Variants in TGM3 observed in about 807,000 individuals in gnomAD.
TGM3 encodes the protein transglutaminase 3.
TGM3 carries 52 observed loss-of-function variants against 73.8 expected under a neutral mutation model. The ratio of observed to expected loss-of-function variants is 0.70; its 90% CI spans 0.56 to 0.89. The LOEUF (loss-of-function observed/expected upper bound fraction) is 0.89, where lower values mean the gene tolerates loss of function less well. Among genes scored for constraint, TGM3 ranks in the 40% least tolerant of loss-of-function variants. The probability of loss-of-function intolerance (pLI) is 0.00; values close to 1 mark genes in which losing one functional copy is unlikely to be tolerated. For missense variants in TGM3, 928 were observed against 909.9 expected (o/e 1.02, Z -0.26); for synonymous variants, 372 against 354.9 (o/e 1.05, Z -0.54).
intron 8 of TGM3, among the ~76,000 whole-genome samples, chr20:2,326,553 A>G (rs186294000): frequency 3.9e-5 from 6 of 152,302 alleles, no homozygotes; most frequent in Admixed American, 3.9e-4. Flanking sequence ...GAAACATTAA[A>G]AAGTGATTTA....
chr20:2,305,628 C>T (rs776267149), intron 1 of TGM3, among the ~76,000 whole-genome samples: 7 of 152,204 alleles, frequency 4.6e-5, no homozygotes, highest in African/African-American at 7.2e-5. Flanking sequence ...TCCTCCAGCT[C>T]GGAGCAGTCT....
At chr20:2,340,040 G>GGTGGGGGGGGGGGGGGGGGGGGGGGGGGC in intron 12 of TGM3, 53 bp downstream of exon 12, 4 of 944,836 alleles carry the variant, frequency 4.2e-6, no homozygotes, top group Non-Finnish European at 3.2e-6. Context: ...GGGCGGGGGG[G>GGTGGGGGGGGGGGGGGGGGGGGGGGGGGC]CCCTCCAGAT....
chr20:2,298,542 T>C (rs898686575), intron 1 of TGM3, among the ~76,000 whole-genome samples: 1 of 152,142 alleles, frequency 6.6e-6, no homozygotes, highest in Non-Finnish European at 1.5e-5. Flanking sequence ...CAACTACTTT[T>C]CCAGGCAGAG....
chr20:2,299,476 A>T (rs2084130938), intron 1 of TGM3, among the ~76,000 whole-genome samples: 2 of 152,078 alleles, frequency 1.3e-5, no homozygotes, highest in African/African-American at 4.8e-5. Context: ...TGGAGCAATC[A>T]TTCTCCTCCC....
rs756427588 is a variant in TGM3 at position 2,325,919 on chromosome 20, G to C, written c.1054G>C (p.Val352Leu). 1.3e-6 allele frequency: 2 copies of C among 1,595,642 alleles called. No individual in the cohort carries two copies. The highest frequency in any genetic ancestry group is 1.7e-6 in the Non-Finnish European group (2 of 1,170,100). Reference protein sequence around the residue: ...DLGPSYGGWQVLDATPQERSQ... With the variant: ...DLGPSYGGWQLLDATPQERSQ... ...GGGCCCCTCGTACGGTGGATGGCAG[G>C]TGTTGGATGCTACCCCGCAGGAAAG... Residue 352 changes from valine to leucine, a missense_variant, in exon 8 of 13, where the codon GTG becomes CTG. Coordinates refer to ENST00000381458, the MANE Select transcript of TGM3 (RefSeq NM_003245.4).
intron 7 of TGM3, among the ~76,000 whole-genome samples, chr20:2,322,347 C>T (rs750828527): frequency 4.6e-5 from 7 of 152,020 alleles, no homozygotes; most frequent in Admixed American, 6.6e-5. Flanking sequence ...GAGTAGAAGA[C>T]GGAGCATATA....
At chr20:2,310,533 G>A (rs1312303766) in intron 3 of TGM3, 116 bp downstream of exon 3, 2 of 1,497,854 alleles carry the variant, frequency 1.3e-6, no homozygotes, top group African/African-American at 2.8e-5. Flanking sequence ...ATGGGCTGTG[G>A]AAAGGGCGCA....
Position 2,334,643 on chromosome 20 carries a change from C to A in TGM3, c.1643-473C>A, listed in dbSNP as rs796274937. 3.9e-5 allele frequency among the ~76,000 whole-genome samples: 6 copies of A among 152,304 alleles called. No individual in the cohort carries two copies. The highest frequency in any genetic ancestry group is 2.1e-4 in the South Asian group (1 of 4,828). On this transcript the variant is annotated intron_variant, in intron 10 of 12. Transcript: ENST00000381458. This position sits in a 1 kb window ranked among gnomAD's most constrained non-coding sequence, Gnocchi z 4.0. ...AGGTGGCATTTGTATTCTTCCACTG[C>A]CCCTCAGAAGGACACTTGTGGCTGG...
In TGM3 at chr20:2,325,795, C is replaced by T. The variant is rs1321348276; in HGVS notation, c.984-54C>T. 5 of 1,269,426 alleles carry T rather than the reference C, an allele frequency of 3.9e-6. No homozygotes were observed. The East Asian group carries it at 1.3e-4, about 32-fold the overall frequency. 78.6% of individuals were successfully genotyped at this position (1,269,426 alleles called of 1,614,324 possible). A position where few individuals can be genotyped will look rare whatever the true frequency, so the allele number is the denominator to read the frequency against. ...GGGGCAAAGATGTGCTGTCTTGCCACTCATCTGCTGTGTGGTCTTGGGCAA... is the reference window on the plus strand; with the variant it reads ...GGGGCAAAGATGTGCTGTCTTGCCATTCATCTGCTGTGTGGTCTTGGGCAA... On this transcript the variant is annotated intron_variant, in intron 7 of 12. Transcript: ENST00000381458.
chr20:2,340,023 C>CGGGTGGGGGGGG, intron 12 of TGM3, 36 bp downstream of exon 12: 1 of 120,858 alleles, frequency 8.3e-6, no homozygotes, highest in Non-Finnish European at 1.9e-5. Context: ...TGCAGGAGGG[C>CGGGTGGGGGGGG]GGGAGGGGGC....
At chr20:2,323,938 T>C (rs1161384770) in intron 7 of TGM3, among the ~76,000 whole-genome samples, 14 of 152,210 alleles carry the variant, frequency 9.2e-5, no homozygotes, top group Admixed American at 9.2e-4. Context: ...TTTCATCACT[T>C]AGTTCAAGGA....
chr20:2,336,865 G>A (rs1293692054), intron 11 of TGM3, among the ~76,000 whole-genome samples: 2 of 151,900 alleles, frequency 1.3e-5, no homozygotes, highest in African/African-American at 2.4e-5. Flanking sequence ...TCTGTCACTG[G>A]GACAATAAAT....
rs1252866055 is a variant in TGM3, at chr20:2,332,302, C to T, written c.1634C>T (p.Pro545Leu). 6.3e-7 allele frequency: 1 copy of T among 1,591,616 alleles called. No individual in the cohort carries two copies. The highest frequency in any genetic ancestry group is 1.7e-5 in the Admixed American group (1 of 58,002). ...GACTCTGCCACAATGTCCCTGGACC[C>T]TGAGGAAGGTAACGCATCCCGCAGT... ...WKDSATMSLD[P>L]EEEAEHPIKI... The change falls in exon 10 of 13, where the codon CCT becomes CTT. Residue 545 changes from proline (P) to leucine (L), a missense_variant. Coordinates refer to ENST00000381458, the MANE Select transcript of TGM3 (RefSeq NM_003245.4). This position sits in a 1 kb window ranked among gnomAD's most constrained non-coding sequence, Gnocchi z 4.4.
chr20:2,316,301 C>T (rs1424809847), intron 5 of TGM3, among the ~76,000 whole-genome samples: 3 of 152,174 alleles, frequency 2.0e-5, no homozygotes, highest in South Asian at 4.2e-4. Flanking sequence ...TCTTTTTGGC[C>T]GGGTGTGGTG....
chr20:2,320,018 A>G (rs2084254623), intron 7 of TGM3, among the ~76,000 whole-genome samples: 1 of 152,254 alleles, frequency 6.6e-6, no homozygotes, highest in African/African-American at 2.4e-5. Context: ...TAAGGGAGCT[A>G]GCCCTCCCAA....
Position 2,328,123 on chromosome 20 carries a change from T to A in TGM3, c.1091T>A (p.Val364Glu), listed in dbSNP as rs990849859. Residue 364 changes from valine to glutamate, a missense_variant, in exon 9 of 13, where the codon GTG becomes GAG. Physicochemically the swap from Val to Glu is moderately radical, Grantham distance 121. Coordinates refer to ENST00000381458, the MANE Select transcript of TGM3 (RefSeq NM_003245.4). The surrounding 1 kb of genome is among the most constrained non-coding windows in gnomAD (Gnocchi z 5.2). Reference sequence around the variant, plus strand: ...GCCTCTGCATCTTGGCCTCCAGGGGTGTTCCAGTGCGGCCCCGCTTCGGTC... The same window carrying A: ...GCCTCTGCATCTTGGCCTCCAGGGGAGTTCCAGTGCGGCCCCGCTTCGGTC... ...DATPQERSQG[V>E]FQCGPASVIG... The A allele has an allele frequency of 6.2e-7, 1 of 1,613,942 alleles. No homozygotes were observed. Among genetic ancestry groups the A allele is most frequent in the Non-Finnish European group, 8.5e-7 (1 of 1,180,012 alleles).
intron 1 of TGM3, among the ~76,000 whole-genome samples, chr20:2,303,601 T>C (rs1196674759): frequency 6.6e-6 from 1 of 152,202 alleles, no homozygotes; most frequent in African/African-American, 2.4e-5. Context: ...TGGAAGTTAA[T>C]ACCTGTAACT....
intron 7 of TGM3, among the ~76,000 whole-genome samples, chr20:2,319,505 G>A (rs945765881): frequency 2.6e-5 from 4 of 152,174 alleles, no homozygotes; most frequent in Admixed American, 2.6e-4. Context: ...AGGCTTTTAA[G>A]CTAAATTTAG....
At chr20:2,307,436 C>T (rs903538877) in intron 1 of TGM3, among the ~76,000 whole-genome samples, 1 of 152,202 alleles carries the variant, frequency 6.6e-6, no homozygotes, top group Non-Finnish European at 1.5e-5. Flanking sequence ...TTCTCTTGTG[C>T]CTTTGGGCCT....
Sources: allele counts gnomAD v4.1 joint callset (sites outside exome capture counted in the v4.1 genomes callset), GRCh38; gene constraint gnomAD v4.1.1; non-coding constraint Gnocchi (gnomAD v3.1); transcripts MANE v1.5; gene names NCBI Gene and HGNC (gene_info 2026-07-23, HGNC 2026-07-21).